Variants in LLGL2 observed in about 807,000 individuals in gnomAD.
LLGL2 encodes the protein LLGL2, scribble cell polarity complex component.
A neutral mutation model predicts 123.2 loss-of-function variants in LLGL2; 81 were observed. The observed-to-expected ratio is 0.66, with a 90% CI of 0.55 to 0.79. The LOEUF is 0.79. Ranked by LOEUF, LLGL2 falls within the 30% of genes least tolerant of loss-of-function variation. The probability of loss-of-function intolerance (pLI) is 0.00; values close to 1 mark genes in which losing one functional copy is unlikely to be tolerated. For synonymous variants in LLGL2, 577 were observed against 594.1 expected (o/e 0.97, Z 0.42); for missense variants, 1,273 against 1,414.6 (o/e 0.90, Z 1.61).
intron 2 of LLGL2, among the ~76,000 whole-genome samples, chr17:75,546,536 G>A (rs2054432935): frequency 6.6e-6 from 1 of 152,084 alleles, no homozygotes; most frequent in Non-Finnish European, 1.5e-5. Context: ...GGTTGAGTTG[G>A]GGGAGCCTTG....
At position 75,558,253 on chromosome 17, in the gene LLGL2, G is replaced by A. The variant is rs748630833; in HGVS notation, c.255+17G>A. On this transcript the variant is annotated intron_variant, in intron 4 of 25. Coordinates refer to ENST00000392550, the MANE Select transcript of LLGL2 (RefSeq NM_001031803.2). The surrounding 1 kb of genome is among the most constrained non-coding windows in gnomAD (Gnocchi z 4.0). The stretch of plus-strand genomic sequence containing the variant: ...CCCGGCCAGGTGAGGGACCTGGGGT[G>A]GGACAGGAAGCCACTTCCATGCCCT... 1 of 1,605,532 alleles carries A rather than the reference G, an allele frequency of 6.2e-7. No homozygotes were observed. The highest frequency in any genetic ancestry group is 8.5e-7 in the Non-Finnish European group (1 of 1,174,958).
chr17:75,562,925 C>A (rs1307932196), intron 6 of LLGL2, 91 bp from the exon 7 acceptor site: 2 of 1,489,896 alleles, frequency 1.3e-6, no homozygotes, highest in African/African-American at 2.8e-5. Flanking sequence ...GAGCAGCCAC[C>A]TCTGCATAGG....
chr17:75,541,605 CT>C (rs2054208562), intron 1 of LLGL2, among the ~76,000 whole-genome samples: 1 of 152,064 alleles, frequency 6.6e-6, no homozygotes, highest in Non-Finnish European at 1.5e-5. Flanking sequence ...GAATGACCCC[CT>C]TTTTCAGTTT....
rs1214255259 is a variant in LLGL2, at chr17:75,554,085, T to C, written c.76-1961T>C. On this transcript the variant is annotated intron_variant, in intron 2 of 25. Coordinates refer to ENST00000392550, the MANE Select transcript of LLGL2 (RefSeq NM_001031803.2). Reference sequence around the variant, plus strand: ...GAGAGGCCAAGGCGGGCAGATCACTTGAGGTCAAGAGTTCAAGACCAGCCT... The same window carrying C: ...GAGAGGCCAAGGCGGGCAGATCACTCGAGGTCAAGAGTTCAAGACCAGCCT... 5.9e-5 allele frequency among the ~76,000 whole-genome samples: 9 copies of C among 152,138 alleles called. No homozygotes were observed. The East Asian group carries it at 1.7e-3, about 29-fold the overall frequency.
At chr17:75,539,935 G>A (rs2054146338) in intron 1 of LLGL2, among the ~76,000 whole-genome samples, 1 of 152,156 alleles carries the variant, frequency 6.6e-6, no homozygotes, top group Non-Finnish European at 1.5e-5. Flanking sequence ...TCTGATTTGT[G>A]TCCTGTGAAG....
At chr17:75,540,180 A>G (rs527776278) in intron 1 of LLGL2, among the ~76,000 whole-genome samples, 1 of 152,144 alleles carries the variant, frequency 6.6e-6, no homozygotes, top group Non-Finnish European at 1.5e-5. Flanking sequence ...GGCTCCCTCC[A>G]GGAATGGGCT....
intron 3 of LLGL2, among the ~76,000 whole-genome samples, chr17:75,556,534 G>T (rs993784992): frequency 3.3e-5 from 5 of 152,260 alleles, no homozygotes; most frequent in African/African-American, 1.2e-4. Context: ...AGGGGGTGAG[G>T]CTGCTGGGGG....
intron 2 of LLGL2, among the ~76,000 whole-genome samples, chr17:75,551,527 G>A (rs1006883412): frequency 1.3e-5 from 2 of 152,174 alleles, no homozygotes; most frequent in African/African-American, 2.4e-5. Context: ...AAGGCTTGAA[G>A]GGAATGAGGA....
rs201300652 is a variant in LLGL2 at position 75,568,997 on chromosome 17, C to T, written c.1342C>T (p.Arg448Trp). The change falls in exon 13 of 26, where the codon CGG (arginine) becomes TGG (tryptophan). Residue 448 changes from arginine to tryptophan, a missense_variant. Coordinates refer to ENST00000392550, the MANE Select transcript of LLGL2 (RefSeq NM_001031803.2). ...LLTGHEDGTV[R>W]FWDASGVCLR... The stretch of plus-strand genomic sequence containing the variant: ...CCACAGGCACGAGGACGGCACGGTG[C>T]GGTTCTGGGATGCCTCGGGTGTCTG... 25 of 1,612,812 alleles carry T rather than the reference C, an allele frequency of 1.6e-5. 1 individual carries two copies. Among genetic ancestry groups the T allele is most frequent in the South Asian group, 2.2e-5 (2 of 90,976 alleles).
Position 75,564,252 on chromosome 17 carries a change from T to A in LLGL2, c.882-101T>A. On this transcript the variant is annotated intron_variant, in intron 9 of 25. Transcript: ENST00000392550. The surrounding 1 kb of genome is among the most constrained non-coding windows in gnomAD (Gnocchi z 4.9). The stretch of plus-strand genomic sequence containing the variant: ...GGAGATGGGGTCCAGTCTCCCCTGC[T>A]CCTGGGGACCTTGACTGAGTGGTGA... 1 of 1,523,930 alleles carries A rather than the reference T, an allele frequency of 6.6e-7. No individual in the cohort carries two copies. The highest frequency in any genetic ancestry group is 1.3e-5 in the South Asian group (1 of 78,854). The allele number at this position is 1,523,930 out of a possible 1,614,324, so 94.4% of individuals were successfully genotyped here. A position where few individuals can be genotyped will look rare whatever the true frequency, so the allele number is the denominator to read the frequency against.
chr17:75,530,149 A>T (rs1455024687), intron 1 of LLGL2, among the ~76,000 whole-genome samples: 5 of 152,106 alleles, frequency 3.3e-5, no homozygotes, highest in Non-Finnish European at 5.9e-5. Flanking sequence ...GAAGTGCCTG[A>T]TGGGTTTAGG....
intron 1 of LLGL2, 162 bp from the exon 2 acceptor site, chr17:75,543,234 TG>T (rs1030648811): frequency 4.6e-6 from 2 of 438,078 alleles, no homozygotes; most frequent in Non-Finnish European, 8.2e-6. Context: ...GATCTGAGCG[TG>T]GGGAAGCCAG....
chr17:75,565,464 C>T (rs759611600), intron 10 of LLGL2, among the ~76,000 whole-genome samples: 5 of 152,212 alleles, frequency 3.3e-5, no homozygotes, highest in Non-Finnish European at 5.9e-5. Context: ...CTTTCTTTCT[C>T]AGCCTCTCCT....
At chr17:75,531,007 C>T (rs139059660) in intron 1 of LLGL2, among the ~76,000 whole-genome samples, 43 of 152,118 alleles carry the variant, frequency 2.8e-4, no homozygotes, top group Non-Finnish European at 4.7e-4. Flanking sequence ...GTGGGGATGT[C>T]GGAGAGTGCA....
chr17:75,544,127 G>A lies in LLGL2; in HGVS notation c.75+626G>A, dbSNP rs2054320561. On this transcript the variant is annotated intron_variant, in intron 2 of 25. Transcript: ENST00000392550. The surrounding 1 kb of genome is among the most constrained non-coding windows in gnomAD (Gnocchi z 4.2). ...CACGGGGCTTCCCTTCAGGAGTCTG[G>A]GGCCTGAGAAGGTCAGGACGGGCCT... Among the ~76,000 whole-genome samples, 1 of 152,188 alleles carries A rather than the reference G, an allele frequency of 6.6e-6. No homozygotes were observed. The highest frequency in any genetic ancestry group is 1.5e-5 in the Non-Finnish European group (1 of 68,028).
Position 75,568,801 on chromosome 17 carries a change from G to C in LLGL2, c.1284G>C (p.Leu428=). 1 of 1,601,194 alleles carries C rather than the reference G, an allele frequency of 6.2e-7. No individual in the cohort carries two copies. Among genetic ancestry groups the C allele is most frequent in the South Asian group, 1.1e-5 (1 of 88,796 alleles). ...MEWPIDGGTS[L]TPAPPQRDLL... is the part of the protein sequence containing the mutation. ...GGCCAATTGATGGTGGCACCAGCCT[G>C]ACCCCAGCCCCACCCCAGAGGGACC... Residue 428 remains leucine (L), a synonymous_variant, in exon 12 of 26, where the codon CTG becomes CTC. Transcript: ENST00000392550.
chr17:75,556,796 C>T (rs992101185), intron 3 of LLGL2, among the ~76,000 whole-genome samples: 4 of 152,128 alleles, frequency 2.6e-5, no homozygotes, highest in Admixed American at 1.3e-4. Context: ...GAGGCTGAGG[C>T]GGGCAGATCA....
rs766217199 is a variant in LLGL2, at chr17:75,568,644, A to G, written c.1205A>G (p.Glu402Gly). ...HVSNIPLKLW[E>G]RIIAAGSRQN... is the part of the protein sequence containing the mutation. ...TCCAACATCCCGCTGAAGCTGTGGG[A>G]GCGGATCATTGCCGCCGGCAGCCGG... Residue 402 changes from glutamate to glycine, a missense_variant, in exon 11 of 26, where the codon GAG becomes GGG. By Grantham distance (98) the Glu-to-Gly change is moderately conservative. Transcript: ENST00000392550. The G allele has an allele frequency of 4.3e-6, 7 of 1,613,602 alleles. No homozygotes were observed. The African/African-American group carries it at 9.3e-5, about 22-fold the overall frequency.
rs758248078 is a variant in LLGL2 at position 75,573,624 on chromosome 17, C to A, written c.2869C>A (p.Arg957=). Residue 957 remains arginine, a synonymous_variant, in exon 21 of 26, where the codon CGA becomes AGA. Transcript: ENST00000392550. ...TGCGGGCCCCAAGAAGGCCCCGAGC[C>A]GAGCCAGGTGAGTGAAAGGGCCAGA... The part of the protein sequence containing the change: ...NGAGPKKAPS[R]ARNSGTQSDG... The A allele has an allele frequency of 7.5e-6, 12 of 1,608,262 alleles. No homozygotes were observed. In the East Asian group the frequency reaches 1.1e-4, roughly 15 times the overall value.
Sources: allele counts gnomAD v4.1 joint callset (sites outside exome capture counted in the v4.1 genomes callset), GRCh38; gene constraint gnomAD v4.1.1; non-coding constraint Gnocchi (gnomAD v3.1); transcripts MANE v1.5; gene names NCBI Gene and HGNC (gene_info 2026-07-23, HGNC 2026-07-21).